The following PSD3 variants were observed in gnomAD, a reference collection of about 807,000 sequenced individuals.
PSD3 encodes the protein PH and SEC7 domain-containing protein 3.
In PSD3, 49 loss-of-function variants were observed where a neutral mutation model predicts 105.5. The ratio of observed to expected loss-of-function variants is 0.46; its 90% confidence interval spans 0.37 to 0.59. The LOEUF is 0.59. PSD3 is among the 20% of genes least tolerant of loss of function. The probability of loss-of-function intolerance (pLI) is 0.00; values close to 1 mark genes in which losing one functional copy is unlikely to be tolerated. For missense variants in PSD3, 1,561 were observed against 1,263.8 expected, an observed-to-expected ratio of 1.24 and a Z score of -3.57; for synonymous variants, 557 against 457.8, an observed-to-expected ratio of 1.22 and a Z score of -2.77.
chr8:18,685,166 T>C (rs1218900973), intron 9 of PSD3, among the ~76,000 whole-genome samples: 1 of 152,242 alleles, frequency 6.6e-6, no homozygotes, highest in Non-Finnish European at 1.5e-5. Context: ...CTCAAGAATG[T>C]ATACACTTTT....
In PSD3 at chr8:18,535,532, A is replaced by T. The variant is rs890616278; in HGVS notation, c.*211T>A. 1.8e-6 allele frequency: 1 copy of T among 563,186 alleles called. No individual in the cohort carries two copies. Among genetic ancestry groups the T allele is most frequent in the Non-Finnish European group, 3.2e-6 (1 of 316,262 alleles). 34.9% of individuals were successfully genotyped at this position (563,186 alleles called of 1,614,324 possible). A position where few individuals can be genotyped will look rare whatever the true frequency, so the allele number is the denominator to read the frequency against. On this transcript the variant is annotated 3_prime_UTR_variant, in exon 16 of 16. Transcript: ENST00000327040. Reference sequence around the variant, plus strand: ...CTCCTCCTCACAGAAAAGGTGCATTAGCTATCAAGTTGCAAAAATCATCAA... The same window carrying T: ...CTCCTCCTCACAGAAAAGGTGCATTTGCTATCAAGTTGCAAAAATCATCAA...
intron 1 of PSD3, among the ~76,000 whole-genome samples, chr8:19,008,478 C>T (rs969101327): frequency 3.9e-5 from 6 of 152,194 alleles, no homozygotes; most frequent in Non-Finnish European, 7.3e-5. Flanking sequence ...TGTGCCATCA[C>T]TCTTATACCT....
intron 1 of PSD3, among the ~76,000 whole-genome samples, chr8:19,061,621 T>C (rs1828898328): frequency 6.6e-6 from 1 of 151,960 alleles, no homozygotes; most frequent in South Asian, 2.1e-4. Flanking sequence ...CTCTGACCAA[T>C]GTGGTGAAAC....
At chr8:19,039,034 A>T (rs1734748202) in intron 1 of PSD3, among the ~76,000 whole-genome samples, 1 of 152,152 alleles carries the variant, frequency 6.6e-6, no homozygotes, top group African/African-American at 2.4e-5. Context: ...CATCTTCATT[A>T]TCTTAATCCC....
At chr8:18,777,902 G>A (rs1327039274) in intron 8 of PSD3, among the ~76,000 whole-genome samples, 2 of 152,072 alleles carry the variant, frequency 1.3e-5, no homozygotes, top group Non-Finnish European at 2.9e-5. Flanking sequence ...TACAATATGT[G>A]TCTTTCAATG....
intron 1 of PSD3, among the ~76,000 whole-genome samples, chr8:19,078,125 G>A (rs537594432): frequency 2.0e-4 from 30 of 152,194 alleles, no homozygotes; most frequent in African/African-American, 7.0e-4. Flanking sequence ...CGAACTCCCA[G>A]GCTCAACTGA....
At chr8:18,937,532 C>T (rs1822219218) in intron 1 of PSD3, among the ~76,000 whole-genome samples, 1 of 150,396 alleles carries the variant, frequency 6.6e-6, no homozygotes. Context: ...GTTCAGGGGG[C>T]AGACCCCACT....
chr8:18,812,876 T>C (rs1385046761), intron 4 of PSD3, among the ~76,000 whole-genome samples: 2 of 152,108 alleles, frequency 1.3e-5, no homozygotes, highest in Non-Finnish European at 2.9e-5. Flanking sequence ...TGTCAGAGCT[T>C]TGAGTTACCC....
At chr8:19,072,140 C>T (rs1312670805) in intron 1 of PSD3, among the ~76,000 whole-genome samples, 12 of 149,452 alleles carry the variant, frequency 8.0e-5, no homozygotes, top group African/African-American at 1.7e-4. Context: ...CTCCCTCTGT[C>T]GCCCAGGCTA....
At chr8:18,725,513 C>T (rs1310594709) in intron 9 of PSD3, among the ~76,000 whole-genome samples, 1 of 152,136 alleles carries the variant, frequency 6.6e-6, no homozygotes, top group African/African-American at 2.4e-5. Context: ...GGACAATGGG[C>T]TTGGCATTCT....
intron 8 of PSD3, among the ~76,000 whole-genome samples, chr8:18,781,667 A>T (rs1790740037): frequency 6.6e-6 from 1 of 152,180 alleles, no homozygotes; most frequent in Admixed American, 6.5e-5. Context: ...TTCGACTATG[A>T]AGTGGCATGG....
At chr8:18,610,630 C>T (rs1805194121) in intron 11 of PSD3, among the ~76,000 whole-genome samples, 4 of 152,166 alleles carry the variant, frequency 2.6e-5, no homozygotes, top group Admixed American at 1.3e-4. Context: ...ATACCTATTG[C>T]TTTTCCCAGA....
At chr8:18,635,881 TTGGGGG>T (rs1383245924) in intron 10 of PSD3, among the ~76,000 whole-genome samples, 1 of 149,292 alleles carries the variant, frequency 6.7e-6, no homozygotes, top group Non-Finnish European at 1.5e-5. Flanking sequence ...CTGGGGCCTG[TTGGGGG>T]TGGGGTGGAG....
At chr8:18,684,934 A>G (rs935690343) in intron 9 of PSD3, among the ~76,000 whole-genome samples, 1 of 152,206 alleles carries the variant, frequency 6.6e-6, no homozygotes, top group Non-Finnish European at 1.5e-5. Flanking sequence ...TTTAGCTCCT[A>G]ACATATGAAG....
chr8:18,760,313 T>C (rs1044694638), intron 9 of PSD3, among the ~76,000 whole-genome samples: 1 of 152,182 alleles, frequency 6.6e-6, no homozygotes, highest in African/African-American at 2.4e-5. Context: ...AACAATATGA[T>C]GTTATTAACT....
chr8:18,927,306 A>G (rs926260654), intron 2 of PSD3, among the ~76,000 whole-genome samples: 4 of 151,948 alleles, frequency 2.6e-5, no homozygotes, highest in African/African-American at 9.7e-5. Flanking sequence ...CTCTGCCTCC[A>G]GGGTTCAAGC....
chr8:18,595,594 G>A (rs561685009), intron 12 of PSD3, among the ~76,000 whole-genome samples: 7 of 151,856 alleles, frequency 4.6e-5, no homozygotes, highest in African/African-American at 1.7e-4. Context: ...AAAAAATATT[G>A]CATGCAATTG....
At chr8:18,926,576 T>G (rs960724175) in intron 2 of PSD3, among the ~76,000 whole-genome samples, 6 of 152,110 alleles carry the variant, frequency 3.9e-5, no homozygotes, top group African/African-American at 1.4e-4. Flanking sequence ...AATGAGATAC[T>G]ACTTCATATC....
chr8:18,563,469 A>G (rs1801528316), intron 14 of PSD3, among the ~76,000 whole-genome samples: 2 of 152,188 alleles, frequency 1.3e-5, no homozygotes, highest in Admixed American at 1.3e-4. Context: ...CTTAGAAGTC[A>G]AATTGCTAAA....
Sources: allele counts gnomAD v4.1 joint callset (sites outside exome capture counted in the v4.1 genomes callset), GRCh38; gene constraint gnomAD v4.1.1; transcripts MANE v1.5; gene names NCBI Gene and HGNC (gene_info 2026-07-23, HGNC 2026-07-21).